The following ZNF536 variants were observed in gnomAD, a reference collection of about 807,000 sequenced individuals.
ZNF536 encodes zinc finger protein 536.
ZNF536 carries 13 observed loss-of-function variants against 84.5 expected under a neutral mutation model. The observed-to-expected ratio is 0.15, with a 90% CI of 0.10 to 0.24. ZNF536 has a LOEUF of 0.24. ZNF536 is among the 10% of genes least tolerant of loss of function. The probability of loss-of-function intolerance (pLI) is 1.00; values close to 1 mark genes in which losing one functional copy is unlikely to be tolerated. For missense variants in ZNF536, 1,536 were observed against 1,747.5 expected (o/e 0.88, Z 2.16); for synonymous variants, 811 against 742.5 (o/e 1.09, Z -1.50).
intron 1 of ZNF536, among the ~76,000 whole-genome samples, chr19:30,428,549 G>A (rs1472126970): frequency 6.6e-6 from 1 of 152,130 alleles, no homozygotes; most frequent in Non-Finnish European, 1.5e-5. Context: ...GACCACAGTG[G>A]CTGCTGAAGG....
rs71173904 is a variant in ZNF536 at position 30,417,148 on chromosome 19, A to ATT, written c.-2-26386_-2-26385dup. On this transcript the variant is annotated intron_variant, in intron 1 of 4. Transcript: ENST00000355537. ...GCCACCACGCCAGGCTAATTTTTGT[A>ATT]TTTTTTTTTTTTTTTTTTTTTTTTT... is the stretch of plus-strand genomic sequence containing the variant. 6.7e-3 allele frequency among the ~76,000 whole-genome samples: 676 copies of ATT among 100,178 alleles called. 15 individuals carry two copies. Among genetic ancestry groups the ATT allele is most frequent in the Non-Finnish European group, 9.5e-3 (472 of 49,532 alleles). The allele number at this position is 100,178 out of a possible 152,430, so 65.7% of individuals were successfully genotyped here.
chr19:30,705,595 T>C (rs1325980055), intron 1 of ZNF536, among the ~76,000 whole-genome samples: 2 of 152,162 alleles, frequency 1.3e-5, no homozygotes, highest in Non-Finnish European at 2.9e-5. Flanking sequence ...GGCAAAATTG[T>C]CCAAAGCTCA....
In ZNF536 at chr19:30,548,450, C is replaced by A. The variant is rs61741995; in HGVS notation, c.2831C>A (p.Pro944His). 4.0e-3 allele frequency: 6,389 copies of A among 1,614,144 alleles called. 140 individuals are homozygous for A. In the African/African-American group the frequency reaches 0.055, roughly 14 times the overall value. Residue 944 changes from proline to histidine, a missense_variant, in exon 4 of 5, where the codon CCC (proline) becomes CAC (histidine). Coordinates refer to ENST00000355537, the MANE Select transcript of ZNF536 (RefSeq NM_014717.3). ...ATGAAGGACAAAGCCCTGGCTGACCCCCCTTCCATGAAAGTCCACGGAGTG... is the reference window on the plus strand; with the variant it reads ...ATGAAGGACAAAGCCCTGGCTGACCACCCTTCCATGAAAGTCCACGGAGTG... Reference protein sequence around the residue: ...KDMKDKALADPPSMKVHGVDG... With the variant: ...KDMKDKALADHPSMKVHGVDG...
At chr19:30,627,942 T>G (rs1204222874) in intron 1 of ZNF536, among the ~76,000 whole-genome samples, 1 of 152,156 alleles carries the variant, frequency 6.6e-6, no homozygotes. Flanking sequence ...CGGCCATGAC[T>G]GCTTCTTCTC....
intron 4 of ZNF536, chr19:30,556,138 C>T (rs920788796): frequency 2.6e-5 from 4 of 152,264 alleles, no homozygotes; most frequent in African/African-American, 9.6e-5. Flanking sequence ...TACAGATTAG[C>T]TATTGACCTC....
At chr19:30,451,201 T>G (rs938062488) in intron 2 of ZNF536, among the ~76,000 whole-genome samples, 1 of 152,240 alleles carries the variant, frequency 6.6e-6, no homozygotes, top group South Asian at 2.1e-4. Flanking sequence ...TGTCTTCCCC[T>G]GGCGGCCACC....
At chr19:30,533,611 G>A (rs1393902698) in intron 2 of ZNF536, among the ~76,000 whole-genome samples, 8 of 152,208 alleles carry the variant, frequency 5.3e-5, no homozygotes, top group Non-Finnish European at 1.2e-4. Context: ...AGAACACCAG[G>A]AACAGACGTT....
intron 2 of ZNF536, among the ~76,000 whole-genome samples, chr19:30,457,557 G>A (rs989795604): frequency 2.0e-5 from 3 of 152,230 alleles, no homozygotes; most frequent in Admixed American, 1.3e-4. Flanking sequence ...GGGCCTCCCC[G>A]AGGGAGAGCA....
chr19:30,508,585 G>T (rs997228478), intron 2 of ZNF536, among the ~76,000 whole-genome samples: 5 of 152,098 alleles, frequency 3.3e-5, no homozygotes, highest in African/African-American at 1.2e-4. Context: ...GCAGCAGAGG[G>T]GGGCCAGGTG....
chr19:30,533,993 C>T (rs2044967097), intron 2 of ZNF536, among the ~76,000 whole-genome samples: 1 of 152,226 alleles, frequency 6.6e-6, no homozygotes, highest in Non-Finnish European at 1.5e-5. Context: ...AGACATTTTT[C>T]CAGTTTTATT....
At chr19:30,705,514 T>G (rs1446102859) in intron 1 of ZNF536, among the ~76,000 whole-genome samples, 1 of 152,236 alleles carries the variant, frequency 6.6e-6, no homozygotes. Context: ...AAATTTGTTT[T>G]AAAGCCAAAC....
rs747749107 is a variant in ZNF536 at position 30,549,453 on chromosome 19, C to T, written c.3834C>T (p.Ala1278=). ...CCTACAGTTCTGATGGCTTAGCAGCCTTTAACGGACTTGCAAGTAGCACAG... is the reference window on the plus strand; with the variant it reads ...CCTACAGTTCTGATGGCTTAGCAGCTTTTAACGGACTTGCAAGTAGCACAG... ...LRAYSSDGLA[A]FNGLASSTAN... Residue 1278 remains alanine (A), a synonymous_variant, in exon 4 of 5, where the codon GCC becomes GCT. Coordinates refer to ENST00000355537, the MANE Select transcript of ZNF536 (RefSeq NM_014717.3). The T allele has an allele frequency of 3.2e-5, 49 of 1,526,554 alleles. No individual in the cohort carries two copies. Among genetic ancestry groups the T allele is most frequent in the Non-Finnish European group, 3.5e-5 (40 of 1,138,012 alleles). The allele number at this position is 1,526,554 out of a possible 1,614,324, so 94.6% of individuals were successfully genotyped here. A position where few individuals can be genotyped will look rare whatever the true frequency, so the allele number is the denominator to read the frequency against.
chr19:30,707,889 A>T (rs1296579149), intron 1 of ZNF536, among the ~76,000 whole-genome samples: 2 of 151,986 alleles, frequency 1.3e-5, no homozygotes, highest in South Asian at 2.1e-4. Context: ...TTATGCCTGT[A>T]ATTCCAGCTA....
intron 1 of ZNF536, among the ~76,000 whole-genome samples, chr19:30,241,233 A>G (rs1025381463): frequency 3.9e-5 from 6 of 152,288 alleles, no homozygotes; most frequent in South Asian, 2.1e-4. Flanking sequence ...TGGGAGGATC[A>G]CTTGAACCCA....
At chr19:30,674,188 G>T (rs2050669243) in intron 1 of ZNF536, among the ~76,000 whole-genome samples, 2 of 152,234 alleles carry the variant, frequency 1.3e-5, no homozygotes, top group Non-Finnish European at 2.9e-5. Flanking sequence ...AGCAGGAGAT[G>T]GGATAGGGGC....
At chr19:30,667,236 C>T (rs892774318) in intron 1 of ZNF536, among the ~76,000 whole-genome samples, 3 of 152,196 alleles carry the variant, frequency 2.0e-5, no homozygotes, top group Non-Finnish European at 4.4e-5. Flanking sequence ...CACGCCTGAA[C>T]AGGTGTAATT....
At position 30,444,248 on chromosome 19, in the gene ZNF536, A is replaced by C. The variant is rs2148175780; in HGVS notation, c.686A>C (p.His229Pro). Residue 229 changes from histidine to proline, a missense_variant, in exon 2 of 5, where the codon CAC becomes CCC. His to Pro is a moderately conservative substitution (Grantham distance 77, BLOSUM62 -2). Coordinates refer to ENST00000355537, the MANE Select transcript of ZNF536 (RefSeq NM_014717.3). ...QPRPDLKPPP[H>P]AQQAPLAACT... ...CGGCCGGACCTGAAGCCCCCGCCGC[A>C]CGCCCAGCAGGCCCCGCTGGCCGCC... The C allele has an allele frequency of 6.5e-7, 1 of 1,548,386 alleles. No individual in the cohort carries two copies. Among genetic ancestry groups the C allele is most frequent in the Non-Finnish European group, 8.7e-7 (1 of 1,153,464 alleles).
chr19:30,490,985 C>G (rs758654094), intron 2 of ZNF536, among the ~76,000 whole-genome samples: 1 of 151,930 alleles, frequency 6.6e-6, no homozygotes, highest in East Asian at 1.9e-4. Context: ...ACTGAGGACC[C>G]GGGACCCAGG....
intron 2 of ZNF536, among the ~76,000 whole-genome samples, chr19:30,492,302 A>G (rs1411914582): frequency 3.3e-5 from 5 of 152,118 alleles, no homozygotes; most frequent in Non-Finnish European, 5.9e-5. Context: ...GCATGCCAAC[A>G]AGTTTTTCTT....
Sources: allele counts gnomAD v4.1 joint callset (sites outside exome capture counted in the v4.1 genomes callset), GRCh38; gene constraint gnomAD v4.1.1; transcripts MANE v1.5; gene names NCBI Gene and HGNC (gene_info 2026-07-23, HGNC 2026-07-21).